Variants in PCDHA8 observed in about 807,000 individuals in gnomAD.
The protein encoded by PCDHA8 is protocadherin alpha-8.
In PCDHA8, 53 loss-of-function variants were observed where a neutral mutation model predicts 61.8. The observed-to-expected ratio is 0.86, with a 90% CI of 0.69 to 1.08. The LOEUF (loss-of-function observed/expected upper bound fraction) is 1.08, where lower values mean the gene tolerates loss of function less well. PCDHA8 is among the 50% of genes least tolerant of loss of function. The probability of loss-of-function intolerance (pLI) is 0.00; values close to 1 mark genes in which losing one functional copy is unlikely to be tolerated. For missense variants in PCDHA8, 1,293 were observed against 1,245.0 expected (o/e 1.04, Z -0.58); for synonymous variants, 618 against 556.6 (o/e 1.11, Z -1.55).
chr5:140,957,614 T>C (rs1208546101), intron 1 of PCDHA8, among the ~76,000 whole-genome samples: 6 of 152,134 alleles, frequency 3.9e-5, no homozygotes, highest in African/African-American at 1.4e-4. Flanking sequence ...CACAGACATA[T>C]ACATGCACAC....
intron 1 of PCDHA8, chr5:140,862,360 G>C (rs920511235): frequency 6.0e-6 from 2 of 334,746 alleles, no homozygotes; most frequent in Non-Finnish European, 1.2e-5. Flanking sequence ...AGGGACAGAC[G>C]ACCCGCACCC....
chr5:140,998,393 C>A (rs1178528705), intron 3 of PCDHA8, among the ~76,000 whole-genome samples: 12 of 152,288 alleles, frequency 7.9e-5, no homozygotes, highest in African/African-American at 2.4e-4. Flanking sequence ...TTAATGCCAT[C>A]TTTATGCCAA....
intron 1 of PCDHA8, among the ~76,000 whole-genome samples, chr5:140,889,098 T>C (rs1252119447): frequency 6.6e-6 from 1 of 152,012 alleles, no homozygotes; most frequent in African/African-American, 2.4e-5. Flanking sequence ...AACAATTTTT[T>C]CATCTTTATT....
At position 140,869,619 on chromosome 5, in the gene PCDHA8, A is replaced by G. The variant is rs369497274; in HGVS notation, c.2394+25904A>G. On this transcript the variant is annotated intron_variant, in intron 1 of 3. Transcript: ENST00000531613. ...AGAATGCTCTATTGACCTACAGGCT[A>G]AGTAAAAATGAGTATTTTTCTTTAG... The G allele has an allele frequency of 6.6e-5, 106 of 1,613,784 alleles. 2 individuals carry two copies. The Middle Eastern group carries it at 4.9e-3, about 75-fold the overall frequency.
At chr5:140,866,115 A>G (rs537982409) in intron 1 of PCDHA8, 85 of 152,328 alleles carry the variant, frequency 5.6e-4, no homozygotes, top group African/African-American at 1.9e-3. Flanking sequence ...GAGTTGCCTT[A>G]TAAGAACTAC....
At chr5:140,987,223 A>C (rs1269747690) in intron 3 of PCDHA8, among the ~76,000 whole-genome samples, 1 of 151,456 alleles carries the variant, frequency 6.6e-6, no homozygotes, top group African/African-American at 2.4e-5. Flanking sequence ...CAAAAAAAAA[A>C]AAAATAATAA....
intron 1 of PCDHA8, chr5:140,851,594 A>T (rs1554145464): frequency 1.1e-6 from 1 of 917,164 alleles, no homozygotes; most frequent in African/African-American, 1.8e-5. Context: ...TTTGAAATTC[A>T]GTTTACAGAA....
At chr5:140,951,737 C>T (rs1223539805) in intron 1 of PCDHA8, among the ~76,000 whole-genome samples, 1 of 152,130 alleles carries the variant, frequency 6.6e-6, no homozygotes, top group Non-Finnish European at 1.5e-5. Context: ...CATTCTGCCA[C>T]TGCCCTCACC....
intron 2 of PCDHA8, among the ~76,000 whole-genome samples, chr5:140,982,104 G>A (rs1280175443): frequency 6.6e-6 from 1 of 152,256 alleles, no homozygotes; most frequent in Non-Finnish European, 1.5e-5. Flanking sequence ...GAACCTGCAA[G>A]AGAGGCTTGG....
At chr5:140,853,717 A>G in intron 1 of PCDHA8, 1 of 988,104 alleles carries the variant, frequency 1.0e-6, no homozygotes, top group Non-Finnish European at 1.2e-6. Context: ...CATTAGCAGC[A>G]CCTAAGTCCT....
At chr5:140,963,443 T>C (rs1554226608) in intron 1 of PCDHA8, among the ~76,000 whole-genome samples, 1 of 152,248 alleles carries the variant, frequency 6.6e-6, no homozygotes, top group African/African-American at 2.4e-5. Flanking sequence ...TCATACTCTG[T>C]TGCTAAAGTA....
intron 1 of PCDHA8, among the ~76,000 whole-genome samples, chr5:140,963,103 G>A (rs2095737477): frequency 1.3e-5 from 2 of 151,910 alleles, no homozygotes; most frequent in South Asian, 4.1e-4. Flanking sequence ...CTGCTTTCAG[G>A]TTGCTTATAA....
chr5:140,842,539 G>C lies in PCDHA8; in HGVS notation c.1218G>C (p.Ser406=), dbSNP rs182995378. Reference sequence around the variant, plus strand: ...TGTCCACCTTCAAGAATTACTACTCGTTGGTGCTGGACAGCGCCCTGGACC... The same window carrying C: ...TGTCCACCTTCAAGAATTACTACTCCTTGGTGCTGGACAGCGCCCTGGACC... ...KLVSTFKNYY[S]LVLDSALDRE... The change falls in exon 1 of 4, where the codon TCG becomes TCC. Residue 406 remains serine, a synonymous_variant. Coordinates refer to ENST00000531613, the MANE Select transcript of PCDHA8 (RefSeq NM_018911.3). 2.7e-5 allele frequency: 43 copies of C among 1,610,552 alleles called. 1 individual carries two copies. In the East Asian group the frequency reaches 8.7e-4, roughly 33 times the overall value.
At chr5:140,941,214 C>CTTTCTTTCTTTCTTTCTTT (rs1554214039) in intron 1 of PCDHA8, among the ~76,000 whole-genome samples, 2,124 of 122,372 alleles carry the variant, frequency 0.017, 57 homozygotes, top group East Asian at 0.032. Flanking sequence ...TTTCTTTCTT[C>CTTTCTTTCTTTCTTTCTTT]CTTTCTTTCT....
chr5:140,877,015 G>T lies in PCDHA8; in HGVS notation c.2394+33300G>T, dbSNP rs371309003. The T allele has an allele frequency of 1.6e-5, 26 of 1,612,358 alleles. No individual in the cohort carries two copies. Among genetic ancestry groups the T allele is most frequent in the African/African-American group, 4.0e-5 (3 of 74,900 alleles). On this transcript the variant is annotated intron_variant, in intron 1 of 3. Transcript: ENST00000531613. The stretch of plus-strand genomic sequence containing the variant: ...CTACGTGTCGGTGCACGCGGAGAGC[G>T]GCAAGGTGTACGCGCTGCAGCCGCT...
At chr5:140,859,744 T>C (rs1554152696) in intron 1 of PCDHA8, 2 of 154,298 alleles carry the variant, frequency 1.3e-5, no homozygotes, top group African/African-American at 2.4e-5. Context: ...AAGCATGGCA[T>C]TCTTTCAGTG....
intron 1 of PCDHA8, among the ~76,000 whole-genome samples, chr5:140,921,582 A>G (rs1451313725): frequency 6.6e-6 from 1 of 152,200 alleles, no homozygotes; most frequent in Non-Finnish European, 1.5e-5. Context: ...AGCTCATACT[A>G]TATTATGGTT....
chr5:140,843,160 A>C lies in PCDHA8; in HGVS notation c.1839A>C (p.Pro613=), dbSNP rs2150354112. The stretch of plus-strand genomic sequence containing the variant: ...CGTGGCTTTCGTATGAGCTGCAGCC[A>C]GCTGCAAGCAGCCCTCGCATCCCGT... ...YNAWLSYELQ[P]AASSPRIPFR... is the part of the protein sequence containing the mutation. Residue 613 remains proline, a synonymous_variant, in exon 1 of 4, where the codon CCA becomes CCC. Transcript: ENST00000531613. 3.6e-5 allele frequency: 58 copies of C among 1,596,000 alleles called. 4 individuals are homozygous for C. In the South Asian group the frequency reaches 6.1e-4, roughly 17 times the overall value.
Position 140,843,273 on chromosome 5 carries a change from T to A in PCDHA8, c.1952T>A (p.Val651Glu). ...CCGCGCCACCGTCTGCTGGTCCTGGTGAAGGATCATGGTGAACCTGCGCTG... is the reference window on the plus strand; with the variant it reads ...CCGCGCCACCGTCTGCTGGTCCTGGAGAAGGATCATGGTGAACCTGCGCTG... The part of the protein sequence containing the change: ...DSPRHRLLVL[V>E]KDHGEPALTA... Residue 651 changes from valine (V) to glutamate (E), a missense_variant, in exon 1 of 4, where the codon GTG (valine) becomes GAG (glutamate). Val to Glu is a moderately radical substitution (Grantham distance 121, BLOSUM62 -2). Transcript: ENST00000531613. The A allele has an allele frequency of 6.3e-7, 1 of 1,595,994 alleles. No individual in the cohort carries two copies. The highest frequency in any genetic ancestry group is 8.6e-7 in the Non-Finnish European group (1 of 1,165,554).
Sources: gnomAD v4.1 joint callset for allele counts (sites outside exome capture counted in the v4.1 genomes callset) on GRCh38, gnomAD v4.1.1 for gene constraint, MANE v1.5 for transcripts, NCBI Gene and HGNC (gene_info 2026-07-23, HGNC 2026-07-21) for gene names.